POM121L2: variants seen among roughly 807,000 people sequenced by gnomAD.
The protein encoded by POM121L2 is POM121-like protein 2.
For missense variants in POM121L2, 1,167 were observed against 1,260.3 expected (o/e 0.93, Z 1.12); for synonymous variants, 459 against 483.8 (o/e 0.95, Z 0.67).
In POM121L2 at chr6:27,311,456, A is replaced by T. The variant is rs1378828795; in HGVS notation, c.715T>A (p.Ser239Thr). The T allele has an allele frequency of 2.8e-5, 44 of 1,551,708 alleles. No homozygotes were observed. Among genetic ancestry groups the T allele is most frequent in the Non-Finnish European group, 3.7e-5 (43 of 1,147,022 alleles). Residue 239 changes from serine (S) to threonine (T), a missense_variant, in exon 1 of 1, where the codon TCC (serine) becomes ACC (threonine). Physicochemically the swap from Ser to Thr is moderately conservative, Grantham distance 58 (BLOSUM62 1). Transcript: ENST00000444565. ...CCACCTCTGTATATGCTGGCCAAGG[A>T]GCTCATGGAGGAGCAATTGGGCCTC... ...TKRPNCSSMS[S>T]LASIYRGGTL...
chr6:27,310,335 A>G lies in POM121L2; in HGVS notation c.1836T>C (p.His612=), dbSNP rs1760727282. 2 of 1,552,184 alleles carry G rather than the reference A, an allele frequency of 1.3e-6. No individual in the cohort carries two copies. The highest frequency in any genetic ancestry group is 1.7e-6 in the Non-Finnish European group (2 of 1,147,120). Reference sequence around the variant, plus strand: ...AGGTGGCCTTGACCAGGCCATGGAAATGATGGGTAGAAGCATGAGTAAATG... The same window carrying G: ...AGGTGGCCTTGACCAGGCCATGGAAGTGATGGGTAGAAGCATGAGTAAATG... ...PPPFTHASTH[H]FHGLVKATSV... The change falls in exon 1 of 1, where the codon CAT becomes CAC. Residue 612 remains histidine (H), a synonymous_variant. Transcript: ENST00000444565.
rs769403177 is a variant in POM121L2, at chr6:27,309,493, C to T, written c.2678G>A (p.Gly893Glu). 4 of 1,551,824 alleles carry T rather than the reference C, an allele frequency of 2.6e-6. No homozygotes were observed. The highest frequency in any genetic ancestry group is 1.7e-4 in the Middle Eastern group (1 of 6,016). The change falls in exon 1 of 1, where the codon GGA (glycine) becomes GAA (glutamate). Residue 893 changes from glycine (G) to glutamate (E), a missense_variant. By Grantham distance (98) the Gly-to-Glu change is moderately conservative. Coordinates refer to ENST00000444565, the MANE Select transcript of POM121L2 (RefSeq NM_033482.4). The stretch of plus-strand genomic sequence containing the variant: ...ATCACAGTCCATAGGGGTCACGAAT[C>T]CCCCAAAAGTGAAAGGTTGTGGAGC... Reference protein sequence around the residue: ...SRAPQPFTFGGFVTPMDCDES... With the variant: ...SRAPQPFTFGEFVTPMDCDES...
rs141548856 is a variant in POM121L2 at position 27,309,295 on chromosome 6, C to T, written c.2876G>A (p.Ser959Asn). ...GGCCATAGTCTTTCTTGCAGAAATG[C>T]TGCCTCTCCCCAAGGAAAAAGCTGT... ...HRTAFSLGRG[S>N]ISARKTMAPI... The change falls in exon 1 of 1, where the codon AGC becomes AAC. Residue 959 changes from serine (S) to asparagine (N), a missense_variant. Coordinates refer to ENST00000444565, the MANE Select transcript of POM121L2 (RefSeq NM_033482.4). The T allele has an allele frequency of 1.5e-5, 24 of 1,551,342 alleles. No individual in the cohort carries two copies. In the African/African-American group the frequency reaches 2.9e-4, roughly 19 times the overall value.
Position 27,311,351 on chromosome 6 carries a change from C to T in POM121L2, c.820G>A (p.Val274Ile), listed in dbSNP as rs778949486. 2.8e-5 allele frequency: 44 copies of T among 1,551,580 alleles called. No individual in the cohort carries two copies. Among genetic ancestry groups the T allele is most frequent in the Non-Finnish European group, 3.7e-5 (42 of 1,147,018 alleles). Residue 274 changes from valine (V) to isoleucine (I), a missense_variant, in exon 1 of 1, where the codon GTT (valine) becomes ATT (isoleucine). By Grantham distance (29) the Val-to-Ile change is conservative (BLOSUM62 3). Transcript: ENST00000444565. ...RNFSDPWKRSVPSVSFETPEW... is the reference protein window; with the variant it reads ...RNFSDPWKRSIPSVSFETPEW... ...GGTGTCTCGAATGATACACTGGGAA[C>T]ACTTCTCTTCCAAGGGTCTGAGAAA...
Position 27,309,851 on chromosome 6 carries a change from G to C in POM121L2, c.2320C>G (p.Pro774Ala). 3 of 1,551,774 alleles carry C rather than the reference G, an allele frequency of 1.9e-6. No homozygotes were observed. Among genetic ancestry groups the C allele is most frequent in the Non-Finnish European group, 2.6e-6 (3 of 1,147,008 alleles). Residue 774 changes from proline (P) to alanine (A), a missense_variant, in exon 1 of 1, where the codon CCT becomes GCT. Pro to Ala is a conservative substitution (Grantham distance 27). Coordinates refer to ENST00000444565, the MANE Select transcript of POM121L2 (RefSeq NM_033482.4). ...FPLSQGANPQPAFGATNGQKQ... is the reference protein window; with the variant it reads ...FPLSQGANPQAAFGATNGQKQ... Reference sequence around the variant, plus strand: ...TGTCCATTTGTGGCACCAAATGCAGGCTGGGGATTAGCTCCTTGGGATAGT... The same window carrying C: ...TGTCCATTTGTGGCACCAAATGCAGCCTGGGGATTAGCTCCTTGGGATAGT...
In POM121L2 at chr6:27,309,871, G is replaced by A. The variant is rs61736083; in HGVS notation, c.2300C>T (p.Ser767Phe). The change falls in exon 1 of 1, where the codon TCC (serine) becomes TTC (phenylalanine). Residue 767 changes from serine to phenylalanine, a missense_variant. Transcript: ENST00000444565. ...TGCAGGCTGGGGATTAGCTCCTTGG[G>A]ATAGTGGGAAAGGTGGCCTTGAGCT... Reference protein sequence around the residue: ...GSSSRPPFPLSQGANPQPAFG... With the variant: ...GSSSRPPFPLFQGANPQPAFG... 889 of 1,551,746 alleles carry A rather than the reference G, an allele frequency of 5.7e-4. 4 individuals are homozygous for A. Among genetic ancestry groups the A allele is most frequent in the Admixed American group, 3.4e-3 (175 of 51,014 alleles).
At position 27,310,794 on chromosome 6, in the gene POM121L2, T is replaced by C. The variant is rs1760734551; in HGVS notation, c.1377A>G (p.Ser459=). 2 of 1,551,706 alleles carry C rather than the reference T, an allele frequency of 1.3e-6. No homozygotes were observed. The highest frequency in any genetic ancestry group is 1.4e-5 in the African/African-American group (1 of 73,104). The part of the protein sequence containing the change: ...SELLPGTSPD[S]KPTATFILLT... ...GCAGGATGAAAGTAGCTGTGGGCTT[T>C]GAGTCTGGAGAGGTGCCTGGAAGGA... Residue 459 remains serine, a synonymous_variant, in exon 1 of 1, where the codon TCA becomes TCG. Coordinates refer to ENST00000444565, the MANE Select transcript of POM121L2 (RefSeq NM_033482.4).
At position 27,312,218 on chromosome 6, in the gene POM121L2, C is replaced by T. The variant is rs959497802; in HGVS notation, c.-48G>A. On this transcript the variant is annotated 5_prime_UTR_variant, in exon 1 of 1. Transcript: ENST00000444565. The surrounding 1 kb of genome is among the most constrained non-coding windows in gnomAD (Gnocchi z 6.7). ...GTGAGTTCAAGCACGGTTTTGGCTT[C>T]CGAGGTTTCGGACGTCTGCAGAATC... The T allele has an allele frequency of 8.0e-7, 1 of 1,244,632 alleles. No individual in the cohort carries two copies. Among genetic ancestry groups the T allele is most frequent in the Admixed American group, 2.9e-5 (1 of 34,014 alleles). The allele number at this position is 1,244,632 out of a possible 1,614,324, so 77.1% of individuals were successfully genotyped here. A position where few individuals can be genotyped will look rare whatever the true frequency, so the allele number is the denominator to read the frequency against.
In POM121L2 at chr6:27,310,229, C is replaced by T. The variant is rs367566448; in HGVS notation, c.1942G>A (p.Val648Ile). The stretch of plus-strand genomic sequence containing the variant: ...TAAGTGTTGCCTACGGCACTGGTGA[C>T]ATTCACTACACCAAAATCCAAAGGT... ...KPPLDFGVVN[V>I]TSAVGNTYSV... is the part of the protein sequence containing the mutation. Residue 648 changes from valine to isoleucine, a missense_variant, in exon 1 of 1, where the codon GTC becomes ATC. By Grantham distance (29) the Val-to-Ile change is conservative (BLOSUM62 3). Transcript: ENST00000444565. 60 of 1,552,226 alleles carry T rather than the reference C, an allele frequency of 3.9e-5. No homozygotes were observed. The highest frequency in any genetic ancestry group is 5.1e-5 in the Non-Finnish European group (58 of 1,147,136).
chr6:27,311,829 A>C lies in POM121L2; in HGVS notation c.342T>G (p.Ile114Met). 1 of 1,551,770 alleles carries C rather than the reference A, an allele frequency of 6.4e-7. No homozygotes were observed. The highest frequency in any genetic ancestry group is 8.7e-7 in the Non-Finnish European group (1 of 1,147,004). ...TIWSLRHPRP[I>M]WSPVTIRITP... The stretch of plus-strand genomic sequence containing the variant: ...TGATCCTGATGGTCACTGGGCTCCA[A>C]ATTGGCCTGGGATGTCGAAGAGACC... The change falls in exon 1 of 1, where the codon ATT (isoleucine) becomes ATG (methionine). Residue 114 changes from isoleucine to methionine, a missense_variant. Physicochemically the swap from Ile to Met is conservative, Grantham distance 10 (BLOSUM62 1). Transcript: ENST00000444565.
rs1235797411 is a variant in POM121L2, at chr6:27,308,617, A to T, written c.*446T>A. 6.6e-6 allele frequency among the ~76,000 whole-genome samples: 1 copy of T among 152,224 alleles called. No individual in the cohort carries two copies. The highest frequency in any genetic ancestry group is 2.4e-5 in the African/African-American group (1 of 41,452). On this transcript the variant is annotated 3_prime_UTR_variant, in exon 1 of 1. Coordinates refer to ENST00000444565, the MANE Select transcript of POM121L2 (RefSeq NM_033482.4). ...GTCTCCAAAGGTTACATACTGTTTGATTCCATTTAAGTGACACTCTCTAAA... is the reference window on the plus strand; with the variant it reads ...GTCTCCAAAGGTTACATACTGTTTGTTTCCATTTAAGTGACACTCTCTAAA...
chr6:27,311,230 G>A lies in POM121L2; in HGVS notation c.941C>T (p.Ser314Phe). 6.4e-7 allele frequency: 1 copy of A among 1,551,884 alleles called. No homozygotes were observed. The highest frequency in any genetic ancestry group is 8.7e-7 in the Non-Finnish European group (1 of 1,147,052). The change falls in exon 1 of 1, where the codon TCT becomes TTT. Residue 314 changes from serine to phenylalanine, a missense_variant. Coordinates refer to ENST00000444565, the MANE Select transcript of POM121L2 (RefSeq NM_033482.4). ...DFESLGGSES[S>F]GQQNQKIPQL... is the part of the protein sequence containing the mutation. The stretch of plus-strand genomic sequence containing the variant: ...TGGAATCTTCTGGTTTTGCTGCCCA[G>A]AACTTTCAGATCCTCCTAGGGACTC...
chr6:27,310,996 G>T lies in POM121L2; in HGVS notation c.1175C>A (p.Ser392Tyr). ...IQPSLSLALP[S>Y]SETDLTQGAN... ...TCCCTGGGTTAGATCTGTTTCTGAA[G>T]AAGGCAGAGCAAGAGACAAGGAAGG... The change falls in exon 1 of 1, where the codon TCT (serine) becomes TAT (tyrosine). Residue 392 changes from serine (S) to tyrosine (Y), a missense_variant. Physicochemically the swap from Ser to Tyr is moderately radical, Grantham distance 144. Transcript: ENST00000444565. The T allele has an allele frequency of 6.4e-7, 1 of 1,552,250 alleles. No individual in the cohort carries two copies. Among genetic ancestry groups the T allele is most frequent in the Non-Finnish European group, 8.7e-7 (1 of 1,147,122 alleles).
rs915834575 is a variant in POM121L2 at position 27,311,762 on chromosome 6, C to G, written c.409G>C (p.Asp137His). Residue 137 changes from aspartate to histidine, a missense_variant, in exon 1 of 1, where the codon GAT becomes CAT. Coordinates refer to ENST00000444565, the MANE Select transcript of POM121L2 (RefSeq NM_033482.4). Reference protein sequence around the residue: ...QRVPPSTSPEDVIALAGLPPS... With the variant: ...QRVPPSTSPEHVIALAGLPPS... ...GGGAGTCCTGCAAGGGCAATTACAT[C>G]TTCAGGAGAAGTGGAAGGGGGCACT... The G allele has an allele frequency of 3.2e-6, 5 of 1,551,730 alleles. No homozygotes were observed. Among genetic ancestry groups the G allele is most frequent in the Non-Finnish European group, 4.4e-6 (5 of 1,147,032 alleles).
rs1760749650 is a variant in POM121L2 at position 27,311,777 on chromosome 6, A to C, written c.394T>G (p.Ser132Ala). ...ITPPDQRVPP[S>A]TSPEDVIALA... The stretch of plus-strand genomic sequence containing the variant: ...GCAATTACATCTTCAGGAGAAGTGG[A>C]AGGGGGCACTCTCTGGTCAGGAGGA... Residue 132 changes from serine to alanine, a missense_variant, in exon 1 of 1, where the codon TCC becomes GCC. Transcript: ENST00000444565. 3.9e-6 allele frequency: 6 copies of C among 1,551,674 alleles called. No individual in the cohort carries two copies. Among genetic ancestry groups the C allele is most frequent in the Non-Finnish European group, 4.4e-6 (5 of 1,147,016 alleles).
Position 27,309,939 on chromosome 6 carries a change from G to T in POM121L2, c.2232C>A (p.Ser744Arg). ...VSTNWLASTP[S>R]ISNLTPAITS... is the part of the protein sequence containing the mutation. ...TGATTGCTGGAGTCAGGTTGGAGAT[G>T]CTGGGGGTTGATGCAAGCCAGTTTG... The change falls in exon 1 of 1, where the codon AGC (serine) becomes AGA (arginine). Residue 744 changes from serine (S) to arginine (R), a missense_variant. By Grantham distance (110) the Ser-to-Arg change is moderately radical. Coordinates refer to ENST00000444565, the MANE Select transcript of POM121L2 (RefSeq NM_033482.4). 6.4e-7 allele frequency: 1 copy of T among 1,551,846 alleles called. No homozygotes were observed. The highest frequency in any genetic ancestry group is 8.7e-7 in the Non-Finnish European group (1 of 1,147,046).
In POM121L2 at chr6:27,308,931, C is replaced by T; in HGVS notation, c.*132G>A. 1 of 739,230 alleles carries T rather than the reference C, an allele frequency of 1.4e-6. No individual in the cohort carries two copies. The highest frequency in any genetic ancestry group is 2.2e-6 in the Non-Finnish European group (1 of 455,510). 45.8% of individuals were successfully genotyped at this position (739,230 alleles called of 1,614,324 possible). A position where few individuals can be genotyped will look rare whatever the true frequency, so the allele number is the denominator to read the frequency against. On this transcript the variant is annotated 3_prime_UTR_variant, in exon 1 of 1. Coordinates refer to ENST00000444565, the MANE Select transcript of POM121L2 (RefSeq NM_033482.4). Reference sequence around the variant, plus strand: ...CTTTCGTCAAGGATGTAGATTAGGACACACAGTGTGAACATCTAAAGCTCC... The same window carrying T: ...CTTTCGTCAAGGATGTAGATTAGGATACACAGTGTGAACATCTAAAGCTCC...
chr6:27,311,415 T>G lies in POM121L2; in HGVS notation c.756A>C (p.Lys252Asn). 6 of 1,551,772 alleles carry G rather than the reference T, an allele frequency of 3.9e-6. No individual in the cohort carries two copies. The highest frequency in any genetic ancestry group is 4.4e-6 in the Non-Finnish European group (5 of 1,147,016). The part of the protein sequence containing the change: ...SIYRGGTLSS[K>N]RNAIGSSYSS... ...TGTAAGAGCTGCCAATAGCATTCCT[T>G]TTGGAGCTGAGGGTGCCACCTCTGT... Residue 252 changes from lysine to asparagine, a missense_variant, in exon 1 of 1, where the codon AAA becomes AAC. Physicochemically the swap from Lys to Asn is moderately conservative, Grantham distance 94. Transcript: ENST00000444565.
In POM121L2 at chr6:27,311,265, T is replaced by G. The variant is rs1454464475; in HGVS notation, c.906A>C (p.Val302=). Residue 302 remains valine (V), a synonymous_variant, in exon 1 of 1, where the codon GTA becomes GTC. Coordinates refer to ENST00000444565, the MANE Select transcript of POM121L2 (RefSeq NM_033482.4). ...CHRPSSPVPL[V]SDFESLGGSE... The stretch of plus-strand genomic sequence containing the variant: ...ATCCTCCTAGGGACTCAAAATCTGA[T>G]ACCAGTGGGACTGGAGAGGAAGGCC... The G allele has an allele frequency of 1.9e-6, 3 of 1,551,724 alleles. No individual in the cohort carries two copies. The South Asian group carries it at 3.6e-5, about 18-fold the overall frequency.
Sources: gnomAD v4.1 joint callset for allele counts (sites outside exome capture counted in the v4.1 genomes callset) on GRCh38, gnomAD v4.1.1 for gene constraint, Gnocchi (gnomAD v3.1) non-coding constraint, MANE v1.5 for transcripts, NCBI Gene and HGNC (gene_info 2026-07-23, HGNC 2026-07-21) for gene names.